Variants in NR2F1-AS1 observed in about 807,000 individuals in gnomAD.
NR2F1-AS1 encodes NR2F1 antisense RNA 1.
chr5:93,525,445 G>A (rs1039746183), intron 4 of NR2F1-AS1, among the ~76,000 whole-genome samples: 30 of 152,064 alleles, frequency 2.0e-4, no homozygotes, highest in African/African-American at 4.8e-4. Context: ...AATATTAGAC[G>A]GATCAACAAG....
chr5:93,563,406 G>A (rs991336653), exon 2 of NR2F1-AS1: 1 of 152,116 alleles, frequency 6.6e-6, no homozygotes, highest in African/African-American at 2.4e-5. Context: ...GAGAAAACAG[G>A]TTCATCATGG....
chr5:93,546,415 C>A lies in NR2F1-AS1; in HGVS notation n.638+7346G>T, dbSNP rs1366102274. 3.3e-5 allele frequency among the ~76,000 whole-genome samples: 5 copies of A among 152,126 alleles called. No homozygotes were observed. In the East Asian group the frequency reaches 9.6e-4, roughly 29 times the overall value. On this transcript the variant is annotated intron_variant and non_coding_transcript_variant, in intron 4 of 5. Coordinates refer to ENST00000660523, the Ensembl canonical transcript of NR2F1-AS1. Reference sequence around the variant, plus strand: ...TAAAGAGAAGGTTGACTATTTTATACATTGCAATTATCATAAGATTTATGT... The same window carrying A: ...TAAAGAGAAGGTTGACTATTTTATAAATTGCAATTATCATAAGATTTATGT...
intron 4 of NR2F1-AS1, among the ~76,000 whole-genome samples, chr5:93,431,722 C>T (rs768959388): frequency 6.6e-6 from 1 of 152,180 alleles, no homozygotes; most frequent in African/African-American, 2.4e-5. Context: ...AAAGTATTTA[C>T]TCATTTTGAA....
At chr5:93,578,852 CACA>C (rs1752955625) in intron 1 of NR2F1-AS1, among the ~76,000 whole-genome samples, 1 of 152,196 alleles carries the variant, frequency 6.6e-6, no homozygotes. Context: ...TACCCTACCC[CACA>C]ACAACAGATA....
chr5:93,416,137 C>T (rs2149840320), intron 4 of NR2F1-AS1, among the ~76,000 whole-genome samples: 1 of 152,284 alleles, frequency 6.6e-6, no homozygotes, highest in African/African-American at 2.4e-5. Context: ...ACAGGGGAAA[C>T]AAGAAGATGA....
chr5:93,455,171 T>C (rs973967533), intron 4 of NR2F1-AS1, among the ~76,000 whole-genome samples: 2 of 152,176 alleles, frequency 1.3e-5, no homozygotes, highest in African/African-American at 4.8e-5. Context: ...CACACACAGT[T>C]TGATGACCAC....
chr5:93,451,590 G>C (rs75495696), intron 4 of NR2F1-AS1, among the ~76,000 whole-genome samples: 5,943 of 151,898 alleles, frequency 0.039, 271 homozygotes, highest in East Asian at 0.21. Flanking sequence ...TTTTGTAGAG[G>C]GGGGGTTCTG....
At chr5:93,584,727 G>T (rs1310147836), upstream of NR2F1-AS1, 10 of 150,456 alleles carry the variant, frequency 6.6e-5, no homozygotes, top group South Asian at 3.6e-4. Flanking sequence ...AGCCTGGGGG[G>T]GCTGCAAAAA....
intron 4 of NR2F1-AS1, among the ~76,000 whole-genome samples, chr5:93,444,908 G>A (rs1174308771): frequency 1.3e-5 from 2 of 152,148 alleles, no homozygotes; most frequent in African/African-American, 4.8e-5. Context: ...ACTCAAAACT[G>A]CTCAACTACA....
intron 4 of NR2F1-AS1, among the ~76,000 whole-genome samples, chr5:93,454,373 A>T (rs1749901878): frequency 6.6e-6 from 1 of 152,192 alleles, no homozygotes; most frequent in Non-Finnish European, 1.5e-5. Flanking sequence ...AGCTTTTGTG[A>T]TTTAATAAAA....
intron 4 of NR2F1-AS1, among the ~76,000 whole-genome samples, chr5:93,536,693 A>G (rs1278974215): frequency 6.6e-6 from 1 of 152,194 alleles, no homozygotes; most frequent in Non-Finnish European, 1.5e-5. Flanking sequence ...AAAAAAGACA[A>G]TGTCTTCAAT....
At chr5:93,413,852 T>C (rs931190979) in intron 4 of NR2F1-AS1, among the ~76,000 whole-genome samples, 1 of 152,212 alleles carries the variant, frequency 6.6e-6, no homozygotes, top group Non-Finnish European at 1.5e-5. Context: ...AGTACATCCC[T>C]CATTCAAAAC....
intron 4 of NR2F1-AS1, chr5:93,543,954 C>T (rs1014496116): frequency 6.6e-6 from 1 of 152,120 alleles, no homozygotes; most frequent in Non-Finnish European, 1.5e-5. Flanking sequence ...TACAAAGGCC[C>T]ACAGTCTGAC....
At chr5:93,499,425 A>T (rs193069010) in intron 4 of NR2F1-AS1, among the ~76,000 whole-genome samples, 4 of 152,266 alleles carry the variant, frequency 2.6e-5, no homozygotes, top group African/African-American at 7.2e-5. Flanking sequence ...TAATTCTCAC[A>T]ATATTTCCAA....
chr5:93,555,423 G>A (rs572091191), intron 2 of NR2F1-AS1, among the ~76,000 whole-genome samples: 33 of 152,186 alleles, frequency 2.2e-4, no homozygotes, highest in Non-Finnish European at 3.8e-4. Flanking sequence ...GTACAAAAGG[G>A]CACATAATAT....
Position 93,466,908 on chromosome 5 carries a change from G to C in NR2F1-AS1, n.639-71366C>G, listed in dbSNP as rs970305879. On this transcript the variant is annotated intron_variant and non_coding_transcript_variant, in intron 4 of 5. Transcript: ENST00000660523. ...TTCTCCAGAATATCCCTTTTTTGGG[G>C]GGGGGGGGGGTGGACGGAGTCTCAC... 1.9e-3 allele frequency among the ~76,000 whole-genome samples: 263 copies of C among 136,296 alleles called. 6 individuals carry two copies. The highest frequency in any genetic ancestry group is 6.8e-3 in the African/African-American group (247 of 36,222). The allele number at this position is 136,296 out of a possible 152,430, so 89.4% of individuals were successfully genotyped here.
chr5:93,489,671 C>T (rs929721995), intron 4 of NR2F1-AS1, among the ~76,000 whole-genome samples: 7 of 152,062 alleles, frequency 4.6e-5, no homozygotes, highest in Non-Finnish European at 8.8e-5. Context: ...AAAGAAACCT[C>T]TAAAAAGCAC....
At chr5:93,418,936 C>T (rs1749027800) in intron 4 of NR2F1-AS1, among the ~76,000 whole-genome samples, 1 of 152,226 alleles carries the variant, frequency 6.6e-6, no homozygotes. Context: ...AAACTGAGCA[C>T]TCTCAGAATC....
chr5:93,556,885 A>G (rs6556826), intron 2 of NR2F1-AS1, among the ~76,000 whole-genome samples: 28,938 of 152,134 alleles, frequency 0.19, 4,220 homozygotes, highest in African/African-American at 0.41. Context: ...TGTTATAGCC[A>G]CCATAGCAAA....
Sources: gnomAD v4.1 joint callset for allele counts (sites outside exome capture counted in the v4.1 genomes callset) on GRCh38, gnomAD v4.1.1 for gene constraint, MANE v1.5 for transcripts, NCBI Gene and HGNC (gene_info 2026-07-23, HGNC 2026-07-21) for gene names.